The following KIRREL1 variants were observed in gnomAD, a reference collection of about 807,000 sequenced individuals.
The protein encoded by KIRREL1 is kin of IRRE-like protein 1.
KIRREL1 carries 25 observed loss-of-function variants against 83.3 expected under a neutral mutation model. The ratio of observed to expected loss-of-function variants is 0.30; its 90% CI spans 0.22 to 0.42. The LOEUF (loss-of-function observed/expected upper bound fraction) is 0.42. Ranked by LOEUF, KIRREL1 falls within the 10% of genes least tolerant of loss-of-function variation. The probability of loss-of-function intolerance (pLI) is 1.00; values close to 1 mark genes in which losing one functional copy is unlikely to be tolerated. For synonymous variants in KIRREL1, 388 were observed against 410.4 expected (o/e 0.95, Z 0.66); for missense variants, 812 against 1,032.3 (o/e 0.79, Z 2.92).
In KIRREL1 at chr1:158,096,959, G is replaced by A. The variant is rs1662371363; in HGVS notation, c.*1839G>A. 2.2e-6 allele frequency: 1 copy of A among 456,674 alleles called. No individual in the cohort carries two copies. The highest frequency in any genetic ancestry group is 2.0e-5 in the African/African-American group (1 of 50,078). The allele number at this position is 456,674 out of a possible 1,614,324, so 28.3% of individuals were successfully genotyped here. On this transcript the variant is annotated 3_prime_UTR_variant, in exon 15 of 15. Coordinates refer to ENST00000359209, the MANE Select transcript of KIRREL1 (RefSeq NM_018240.7). The stretch of plus-strand genomic sequence containing the variant: ...CAGGCCATTACCACCCTTATGGATG[G>A]GTCTGGGGGGCGACATTCCTGGCCA...
chr1:158,050,915 T>C (rs1010425212), intron 1 of KIRREL1, among the ~76,000 whole-genome samples: 10 of 152,166 alleles, frequency 6.6e-5, no homozygotes, highest in African/African-American at 2.4e-4. Context: ...TCCGTCCCGG[T>C]CTCACTATCT....
chr1:158,011,274 A>G (rs1420014638), intron 1 of KIRREL1, among the ~76,000 whole-genome samples: 1 of 152,202 alleles, frequency 6.6e-6, no homozygotes, highest in Non-Finnish European at 1.5e-5. Flanking sequence ...AAGGCCCTGG[A>G]TTATGTTTTG....
intron 3 of KIRREL1, among the ~76,000 whole-genome samples, 159 bp from the exon 4 acceptor site, chr1:158,084,263 G>C (rs1661953780): frequency 6.6e-6 from 1 of 152,200 alleles, no homozygotes. Flanking sequence ...GCCACCACAA[G>C]AGCAATGAAG....
In KIRREL1 at chr1:157,995,092, G is replaced by C. The variant is rs573904044; in HGVS notation, c.52+1364G>C. 3.3e-5 allele frequency among the ~76,000 whole-genome samples: 5 copies of C among 152,356 alleles called. No homozygotes were observed. The South Asian group carries it at 1.0e-3, about 32-fold the overall frequency. ...CTCTTTTAGGGGGTGTCTGGGAATGGATCTGGGTAGAACAGCCTCAGGCAT... is the reference window on the plus strand; with the variant it reads ...CTCTTTTAGGGGGTGTCTGGGAATGCATCTGGGTAGAACAGCCTCAGGCAT... On this transcript the variant is annotated intron_variant, in intron 1 of 14. Coordinates refer to ENST00000359209, the MANE Select transcript of KIRREL1 (RefSeq NM_018240.7).
chr1:157,997,017 C>T (rs779695859), intron 1 of KIRREL1, among the ~76,000 whole-genome samples: 2 of 152,130 alleles, frequency 1.3e-5, no homozygotes, highest in Non-Finnish European at 2.9e-5. Flanking sequence ...CCACCTCTGC[C>T]CCCCTAGGAC....
intron 1 of KIRREL1, among the ~76,000 whole-genome samples, chr1:158,005,925 T>A (rs1334464068): frequency 2.0e-5 from 3 of 152,184 alleles, no homozygotes; most frequent in African/African-American, 7.2e-5. Flanking sequence ...CCTGGTTCTG[T>A]GAGAGAAGCC....
intron 1 of KIRREL1, among the ~76,000 whole-genome samples, chr1:157,997,636 G>A (rs1295743639): frequency 6.6e-6 from 1 of 152,184 alleles, no homozygotes; most frequent in African/African-American, 2.4e-5. Context: ...TCTGGGGAAG[G>A]GATTTGAGGA....
At position 158,003,778 on chromosome 1, in the gene KIRREL1, T is replaced by C. The variant is rs564536998; in HGVS notation, c.52+10050T>C. Among the ~76,000 whole-genome samples the C allele has an allele frequency of 4.7e-5, 7 of 148,226 alleles. No individual in the cohort carries two copies. The East Asian group carries it at 1.4e-3, about 30-fold the overall frequency. ...AATGTCAGTTTGAGCCAAATATAAT[T>C]AGAAAGGAAAATCTCTGACTTTGAA... is the stretch of plus-strand genomic sequence containing the variant. On this transcript the variant is annotated intron_variant, in intron 1 of 14. Transcript: ENST00000359209.
intron 1 of KIRREL1, among the ~76,000 whole-genome samples, chr1:158,061,470 A>G (rs1258404642): frequency 1.3e-5 from 2 of 152,080 alleles, no homozygotes; most frequent in African/African-American, 4.8e-5. Context: ...AGAGTGTGAG[A>G]GAAGAGGCAG....
At chr1:158,044,750 C>CTGGCCT (rs1260985438) in intron 1 of KIRREL1, among the ~76,000 whole-genome samples, 2 of 152,138 alleles carry the variant, frequency 1.3e-5, no homozygotes, top group Non-Finnish European at 1.5e-5. Context: ...CCGCTCATCC[C>CTGGCCT]AAAGTGCCAG....
intron 1 of KIRREL1, among the ~76,000 whole-genome samples, chr1:158,035,035 ATTG>A (rs10554462): frequency 0.84 from 128,344 of 151,892 alleles, 55,335 homozygotes; most frequent in Non-Finnish European, 0.93. Flanking sequence ...TATTTTTGCC[ATTG>A]TTCTGTTTTT....
At position 158,097,299 on chromosome 1, in the gene KIRREL1, G is replaced by C. The variant is rs1298295661; in HGVS notation, c.*2179G>C. ...GGAATCCAAAGACTTGAAGTCTAAAGATGGTGGCTTTTAAAACATGCATAT... is the reference window on the plus strand; with the variant it reads ...GGAATCCAAAGACTTGAAGTCTAAACATGGTGGCTTTTAAAACATGCATAT... On this transcript the variant is annotated 3_prime_UTR_variant, in exon 15 of 15. Transcript: ENST00000359209. 6.3e-6 allele frequency: 2 copies of C among 316,378 alleles called. No individual in the cohort carries two copies. Among genetic ancestry groups the C allele is most frequent in the Admixed American group, 4.6e-5 (1 of 21,700 alleles). 19.6% of individuals were successfully genotyped at this position (316,378 alleles called of 1,614,324 possible).
At position 158,088,574 on chromosome 1, in the gene KIRREL1, T is replaced by C; in HGVS notation, c.1044+120T>C. 4 of 837,918 alleles carry C rather than the reference T, an allele frequency of 4.8e-6. No individual in the cohort carries two copies. The African/African-American group carries it at 6.1e-5, about 13-fold the overall frequency. 51.9% of individuals were successfully genotyped at this position (837,918 alleles called of 1,614,324 possible). ...ATCTCGGCTCACTGCAAGCTCCGCC[T>C]CCCGGGTTCACGCCATTCTCCTGCC... is the stretch of plus-strand genomic sequence containing the variant. On this transcript the variant is annotated intron_variant, in intron 8 of 14. Transcript: ENST00000359209.
At chr1:158,052,209 A>T (rs1660925674) in intron 1 of KIRREL1, among the ~76,000 whole-genome samples, 1 of 152,202 alleles carries the variant, frequency 6.6e-6, no homozygotes. Flanking sequence ...AATCAGAACC[A>T]GTTGCATATG....
chr1:158,039,305 T>C (rs1660562139), intron 1 of KIRREL1, among the ~76,000 whole-genome samples: 1 of 152,232 alleles, frequency 6.6e-6, no homozygotes, highest in Admixed American at 6.5e-5. Context: ...GTACTTCCCT[T>C]TACTGACCCT....
chr1:158,058,701 G>A (rs1033532065), intron 1 of KIRREL1, among the ~76,000 whole-genome samples: 1 of 152,142 alleles, frequency 6.6e-6, no homozygotes, highest in Admixed American at 6.5e-5. Flanking sequence ...TCAGTCCCTC[G>A]GGGATCTTGG....
chr1:158,091,673 A>G, intron 11 of KIRREL1, 117 bp downstream of exon 11: 1 of 969,856 alleles, frequency 1.0e-6, no homozygotes, highest in South Asian at 1.5e-5. Context: ...GCTCTGAGGG[A>G]GGGGACACAC....
chr1:158,076,552 T>A (rs2101625213), intron 2 of KIRREL1, among the ~76,000 whole-genome samples: 1 of 152,192 alleles, frequency 6.6e-6, no homozygotes. Context: ...ACAGACCCTG[T>A]GAGGGGAGCT....
In KIRREL1 at chr1:158,008,866, C is replaced by G. The variant is rs1659593127; in HGVS notation, c.52+15138C>G. 3.3e-5 allele frequency among the ~76,000 whole-genome samples: 5 copies of G among 152,230 alleles called. No individual in the cohort carries two copies. The South Asian group carries it at 1.0e-3, about 32-fold the overall frequency. On this transcript the variant is annotated intron_variant, in intron 1 of 14. Coordinates refer to ENST00000359209, the MANE Select transcript of KIRREL1 (RefSeq NM_018240.7). Reference sequence around the variant, plus strand: ...GTTGTAAAGGTCATGTTCGTACCACCCAATGGCCCTGTCTCCATGGGGTCA... The same window carrying G: ...GTTGTAAAGGTCATGTTCGTACCACGCAATGGCCCTGTCTCCATGGGGTCA...
Sources: gnomAD v4.1 joint callset for allele counts (sites outside exome capture counted in the v4.1 genomes callset) on GRCh38, gnomAD v4.1.1 for gene constraint, MANE v1.5 for transcripts, NCBI Gene and HGNC (gene_info 2026-07-23, HGNC 2026-07-21) for gene names.